USE1: variants seen among roughly 807,000 people sequenced by gnomAD.
The protein encoded by USE1 is unconventional SNARE in the ER 1, also known as vesicle transport protein USE1.
A neutral mutation model predicts 37.6 loss-of-function variants in USE1; 32 were observed. That is an observed-to-expected ratio of 0.85 (90% CI 0.64 to 1.14). The LOEUF is 1.14. USE1 is among the 50% of genes most tolerant of loss of function. The pLI is 0.00. For missense variants in USE1, 310 were observed against 332.2 expected (o/e 0.93, Z 0.52); for synonymous variants, 149 against 137.6 (o/e 1.08, Z -0.58).
In USE1 at chr19:17,219,368, T is replaced by A. The variant is rs1467755606; in HGVS notation, c.578T>A (p.Val193Asp). The change falls in exon 7 of 8, where the codon GTC becomes GAC. Residue 193 changes from valine (V) to aspartate (D), a missense_variant. Coordinates refer to ENST00000263897, the MANE Select transcript of USE1 (RefSeq NM_018467.4). ...ACCAATACCCTGGCCGCCCAGAGTGTCATCAAGAAGGACAACCAGGTGTGG... is the reference window on the plus strand; with the variant it reads ...ACCAATACCCTGGCCGCCCAGAGTGACATCAAGAAGGACAACCAGGTGTGG... Reference protein sequence around the residue: ...LKTNTLAAQSVIKKDNQTLSH... With the variant: ...LKTNTLAAQSDIKKDNQTLSH... 27 of 1,561,892 alleles carry A rather than the reference T, an allele frequency of 1.7e-5. No homozygotes were observed. Among genetic ancestry groups the A allele is most frequent in the Non-Finnish European group, 2.1e-5 (24 of 1,152,772 alleles).
chr19:17,218,296 C>G, intron 5 of USE1, 68 bp from the exon 6 acceptor site: 1 of 1,603,954 alleles, frequency 6.2e-7, no homozygotes, highest in South Asian at 1.1e-5. Context: ...CCAGCACAGG[C>G]AATGCTCAGG....
intron 6 of USE1, 111 bp from the exon 7 acceptor site, chr19:17,219,102 G>C (rs1239986243): frequency 7.1e-6 from 10 of 1,415,668 alleles, no homozygotes; most frequent in Admixed American, 2.7e-5. Flanking sequence ...ACTCCAGCCT[G>C]GGCAACAGAA....
At chr19:17,217,506 A>G in intron 5 of USE1, 44 bp downstream of exon 5, 1 of 1,606,636 alleles carries the variant, frequency 6.2e-7, no homozygotes. Flanking sequence ...CCAGCTGACT[A>G]GGACAAGACA....
Position 17,215,851 on chromosome 19 carries a change from G to A in USE1, c.152G>A (p.Ser51Asn). ...TTGCAGGCCCTGAAGGTCCACGCGAGGTGAGTGCAGGCAGCCTCAGGGCTT... is the reference window on the plus strand; with the variant it reads ...TTGCAGGCCCTGAAGGTCCACGCGAAGTGAGTGCAGGCAGCCTCAGGGCTT... ...DMLQALKVHA[S>N]KPASEVINEY... Residue 51 changes from serine to asparagine, a missense_variant and splice_region_variant, in exon 2 of 8, where the codon AGC becomes AAC. Physicochemically the swap from Ser to Asn is conservative, Grantham distance 46 (BLOSUM62 1). Coordinates refer to ENST00000263897, the MANE Select transcript of USE1 (RefSeq NM_018467.4). The A allele has an allele frequency of 6.2e-7, 1 of 1,608,156 alleles. No homozygotes were observed. The highest frequency in any genetic ancestry group is 8.5e-7 in the Non-Finnish European group (1 of 1,177,570).
chr19:17,218,593 A>T (rs972188466), intron 6 of USE1: 11 of 558,088 alleles, frequency 2.0e-5, no homozygotes, highest in Non-Finnish European at 2.7e-5. Context: ...TGGGAGGCTG[A>T]GGCAGGCAGA....
intron 1 of USE1, 42 bp from the exon 2 acceptor site, chr19:17,215,760 A>T: frequency 9.7e-7 from 1 of 1,028,078 alleles, no homozygotes; most frequent in Middle Eastern, 2.4e-4. Flanking sequence ...TGATCAGGAC[A>T]TGGGAAAGAC....
chr19:17,217,835 C>A lies in USE1; in HGVS notation c.394+373C>A, dbSNP rs990596906. On this transcript the variant is annotated intron_variant, in intron 5 of 7. Transcript: ENST00000263897. ...GCTGAGGCAGGAGAATTGCTTGAAC[C>A]CAGGAGGTGGAGGTTGCAATGAGCT... 60 of 378,602 alleles carry A rather than the reference C, an allele frequency of 1.6e-4. No homozygotes were observed. The East Asian group carries it at 4.1e-3, about 26-fold the overall frequency. The allele number at this position is 378,602 out of a possible 1,614,324, so 23.5% of individuals were successfully genotyped here.
chr19:17,218,432 G>A (rs754970081), intron 6 of USE1, 41 bp downstream of exon 6: 16 of 1,612,914 alleles, frequency 9.9e-6, no homozygotes, highest in South Asian at 5.5e-5. Flanking sequence ...GCAATTGGGC[G>A]GTGCGGCAGG....
At chr19:17,218,594 G>A in intron 6 of USE1, 2 of 559,952 alleles carry the variant, frequency 3.6e-6, no homozygotes, top group East Asian at 3.4e-5. Flanking sequence ...GGGAGGCTGA[G>A]GCAGGCAGAT....
chr19:17,218,348 C>T lies in USE1; in HGVS notation c.395-16C>T, dbSNP rs1303894684. On this transcript the variant is annotated splice_polypyrimidine_tract_variant and intron_variant, in intron 5 of 7. Coordinates refer to ENST00000263897, the MANE Select transcript of USE1 (RefSeq NM_018467.4). ...ACCAACACTCGCCTTTTTTGCTTGG[C>T]CTGTTTTGCTTTCAGAGCCTGAGAT... 10 of 1,613,436 alleles carry T rather than the reference C, an allele frequency of 6.2e-6. No homozygotes were observed. The highest frequency in any genetic ancestry group is 8.5e-6 in the Non-Finnish European group (10 of 1,179,654).
rs1374821345 is a variant in USE1 at position 17,215,716 on chromosome 19, CT to C, written c.103-85del. The C allele has an allele frequency of 2.8e-4, 358 of 1,261,114 alleles. 1 individual carries two copies. The South Asian group carries it at 2.9e-3, about 10-fold the overall frequency. The allele number at this position is 1,261,114 out of a possible 1,614,324, so 78.1% of individuals were successfully genotyped here. On this transcript the variant is annotated intron_variant, in intron 1 of 7. Coordinates refer to ENST00000263897, the MANE Select transcript of USE1 (RefSeq NM_018467.4). ...GCCCCGCCTCCTTTACGCTTGACCC[CT>C]CCCATTTGTCGGCCCCGCCCCCCCG...
rs768102552 is a variant in USE1 at position 17,215,985 on chromosome 19, C to T, written c.153-7C>T. 2.4e-5 allele frequency: 38 copies of T among 1,599,860 alleles called. No individual in the cohort carries two copies. The highest frequency in any genetic ancestry group is 2.9e-5 in the Non-Finnish European group (34 of 1,173,204). ...CAGGTTTTGTTTTTCTTCTTCCTGC[C>T]TTCCAGCAAACCGGCCTCTGAGGTG... On this transcript the variant is annotated splice_polypyrimidine_tract_variant and splice_region_variant and intron_variant, in intron 2 of 7. Coordinates refer to ENST00000263897, the MANE Select transcript of USE1 (RefSeq NM_018467.4).
chr19:17,217,297 GC>G (rs952085860), intron 4 of USE1, among the ~76,000 whole-genome samples, 155 bp from the exon 5 acceptor site: 3 of 151,758 alleles, frequency 2.0e-5, no homozygotes, highest in Non-Finnish European at 4.4e-5. Context: ...ACCACACCTG[GC>G]TAACTTTTTG....
At chr19:17,218,175 G>A in intron 5 of USE1, 189 bp from the exon 6 acceptor site, 1 of 687,156 alleles carries the variant, frequency 1.5e-6, no homozygotes, top group Non-Finnish European at 2.4e-6. Context: ...GGGGTCTGAG[G>A]GAACCGAGAC....
rs1288855161 is a variant in USE1, at chr19:17,215,460, G to A, written c.55G>A (p.Ala19Thr). ...NLVRLLSRCE[A>T]MAAEKRDPDE... ...GGTGCGGCTGCTATCCCGCTGCGAG[G>A]CGATGGCAGCGGAGAAACGGGACCC... The change falls in exon 1 of 8, where the codon GCG becomes ACG. Residue 19 changes from alanine to threonine, a missense_variant. Physicochemically the swap from Ala to Thr is moderately conservative, Grantham distance 58. Transcript: ENST00000263897. 6 of 1,564,110 alleles carry A rather than the reference G, an allele frequency of 3.8e-6. No individual in the cohort carries two copies. In the East Asian group the frequency reaches 1.2e-4, roughly 31 times the overall value.
Position 17,216,296 on chromosome 19 carries a change from A to G in USE1, c.359A>G (p.Glu120Gly), listed in dbSNP as rs1167722910. Reference sequence around the variant, plus strand: ...CAGTCACGGGCGCGGTACACCAGCGAGATGCGGAGTGAGCTACTAGGCACG... The same window carrying G: ...CAGTCACGGGCGCGGTACACCAGCGGGATGCGGAGTGAGCTACTAGGCACG... ...HLQSRARYTS[E>G]MRSELLGTDS... is the part of the protein sequence containing the mutation. Residue 120 changes from glutamate to glycine, a missense_variant, in exon 4 of 8, where the codon GAG becomes GGG. Physicochemically the swap from Glu to Gly is moderately conservative, Grantham distance 98 (BLOSUM62 -2). Coordinates refer to ENST00000263897, the MANE Select transcript of USE1 (RefSeq NM_018467.4). The G allele has an allele frequency of 6.2e-7, 1 of 1,612,690 alleles. No individual in the cohort carries two copies.
At position 17,215,414 on chromosome 19, in the gene USE1, G is replaced by A. The variant is rs758385479; in HGVS notation, c.9G>A (p.Ala3=). 4.4e-5 allele frequency: 69 copies of A among 1,557,930 alleles called. No individual in the cohort carries two copies. In the Admixed American group the frequency reaches 1.3e-3, roughly 30 times the overall value. Residue 3 remains alanine (A), a synonymous_variant, in exon 1 of 8, where the codon GCG becomes GCA. Transcript: ENST00000263897. MA[A]SRLELNLVRL... ...TGTAGGGCCGGGCGATAATGGCGGCGTCGAGGCTGGAGCTAAACCTGGTGC... is the reference window on the plus strand; with the variant it reads ...TGTAGGGCCGGGCGATAATGGCGGCATCGAGGCTGGAGCTAAACCTGGTGC...
At position 17,219,776 on chromosome 19, in the gene USE1, T is replaced by C; in HGVS notation, c.743T>C (p.Met248Thr). The change falls in exon 8 of 8, where the codon ATG (methionine) becomes ACG (threonine). Residue 248 changes from methionine to threonine, a missense_variant. Coordinates refer to ENST00000263897, the MANE Select transcript of USE1 (RefSeq NM_018467.4). ...ATCGTCTGCTTCATCTTCATTAGCA[T>C]GATCCTCTTCATTCGAATCATGCCT... ...LIIVCFIFIS[M>T]ILFIRIMPKL... is the part of the protein sequence containing the mutation. The C allele has an allele frequency of 5.0e-6, 8 of 1,608,438 alleles. No homozygotes were observed. Among genetic ancestry groups the C allele is most frequent in the Non-Finnish European group, 6.8e-6 (8 of 1,177,050 alleles).
At chr19:17,218,775 C>A (rs574222617) in intron 6 of USE1, 34 of 166,000 alleles carry the variant, frequency 2.0e-4, no homozygotes, top group Admixed American at 4.2e-4. Flanking sequence ...TACAGTGAGC[C>A]GAGATCACGC....
Sources: allele counts gnomAD v4.1 joint callset (sites outside exome capture counted in the v4.1 genomes callset), GRCh38; gene constraint gnomAD v4.1.1; transcripts MANE v1.5; gene names NCBI Gene and HGNC (gene_info 2026-07-23, HGNC 2026-07-21).